ITGAD: variants seen among roughly 807,000 people sequenced by gnomAD.
ITGAD encodes integrin alpha-D.
ITGAD carries 105 observed loss-of-function variants against 139.0 expected under a neutral mutation model. That is an observed-to-expected ratio of 0.76 (90% confidence interval 0.65 to 0.89). ITGAD has a LOEUF of 0.89. Among genes scored for constraint, ITGAD ranks in the 40% least tolerant of loss-of-function variants. The probability of loss-of-function intolerance (pLI) is 0.00; values close to 1 mark genes in which losing one functional copy is unlikely to be tolerated. For synonymous variants in ITGAD, 569 were observed against 598.3 expected (o/e 0.95, Z 0.71); for missense variants, 1,384 against 1,487.3 (o/e 0.93, Z 1.14).
At position 31,423,155 on chromosome 16, in the gene ITGAD, A is replaced by G. The variant is rs1209870020; in HGVS notation, c.2822A>G (p.Asp941Gly). Residue 941 changes from aspartate (D) to glycine (G), a missense_variant, in exon 24 of 30, where the codon GAT becomes GGT. Physicochemically the swap from Asp to Gly is moderately conservative, Grantham distance 94. Coordinates refer to ENST00000389202, the MANE Select transcript of ITGAD (RefSeq NM_005353.3). ...AAGTACTTCAACTTTGCAACCTCCG[A>G]TGAGAAGAAAATGAAAGAGGCTGAG... ...STKYFNFATS[D>G]EKKMKEAEHR... The G allele has an allele frequency of 1.2e-6, 2 of 1,614,050 alleles. No homozygotes were observed. Among genetic ancestry groups the G allele is most frequent in the Admixed American group, 1.7e-5 (1 of 59,996 alleles).
chr16:31,403,596 G>C lies in ITGAD; in HGVS notation c.655G>C (p.Val219Leu), dbSNP rs751119063. 2 of 1,614,146 alleles carry C rather than the reference G, an allele frequency of 1.2e-6. No individual in the cohort carries two copies. Among genetic ancestry groups the C allele is most frequent in the Admixed American group, 3.3e-5 (2 of 60,014 alleles). The change falls in exon 7 of 30, where the codon GTC (valine) becomes CTC (leucine). Residue 219 changes from valine (V) to leucine (L), a missense_variant. Physicochemically the swap from Val to Leu is conservative, Grantham distance 32. Transcript: ENST00000389202. This position sits in a 1 kb window ranked among gnomAD's most constrained non-coding sequence, Gnocchi z 4.4. ...CCAGCAGAGCCTGGTGGATCCCATC[G>C]TCCAACTGAAAGGCCTGACGTTCAC... ...PSQQSLVDPIVQLKGLTFTAT... is the reference protein window; with the variant it reads ...PSQQSLVDPILQLKGLTFTAT...
intron 5 of ITGAD, among the ~76,000 whole-genome samples, chr16:31,400,692 C>T (rs1328426919): frequency 6.6e-6 from 1 of 152,134 alleles, no homozygotes; most frequent in Non-Finnish European, 1.5e-5. Flanking sequence ...GCAGCCTCCA[C>T]CTCCCAGGTT....
At position 31,423,839 on chromosome 16, in the gene ITGAD, C is replaced by T. The variant is rs1393797415; in HGVS notation, c.3046-6C>T. On this transcript the variant is annotated splice_region_variant and splice_polypyrimidine_tract_variant and intron_variant, in intron 26 of 29. Transcript: ENST00000389202. ...CCCCTCAGTTTCACCCCTCTTCTGCCCCCAGGACTGCTCCATTGCTGACTG... is the reference window on the plus strand; with the variant it reads ...CCCCTCAGTTTCACCCCTCTTCTGCTCCCAGGACTGCTCCATTGCTGACTG... 1.2e-6 allele frequency: 2 copies of T among 1,613,984 alleles called. No individual in the cohort carries two copies. Among genetic ancestry groups the T allele is most frequent in the African/African-American group, 2.7e-5 (2 of 74,928 alleles).
At chr16:31,404,801 C>G (rs2142686532) in intron 7 of ITGAD, 1 of 146,956 alleles carries the variant, frequency 6.8e-6, no homozygotes, top group South Asian at 2.4e-4. Flanking sequence ...TCCCTCCCTT[C>G]CTTTCTCCCT....
chr16:31,418,024 A>AGCCC, intron 20 of ITGAD, 51 bp from the exon 21 acceptor site: 1 of 1,416,454 alleles, frequency 7.1e-7, no homozygotes, highest in Non-Finnish European at 1.0e-6. Context: ...CTGTGTATCA[A>AGCCC]GCCCACACAT....
chr16:31,426,058 A>C lies in ITGAD; in HGVS notation c.3416A>C (p.Lys1139Thr). 6.2e-7 allele frequency: 1 copy of C among 1,614,130 alleles called. No individual in the cohort carries two copies. The highest frequency in any genetic ancestry group is 1.3e-5 in the African/African-American group (1 of 75,070). ...CACTACAAGGAAATGCTGGAGGACA[A>C]GCCTGAAGACACTGCCACATTCAGT... ...KRHYKEMLED[K>T]PEDTATFSGD... The change falls in exon 30 of 30, where the codon AAG (lysine) becomes ACG (threonine). Residue 1139 changes from lysine (K) to threonine (T), a missense_variant. By Grantham distance (78) the Lys-to-Thr change is moderately conservative. Coordinates refer to ENST00000389202, the MANE Select transcript of ITGAD (RefSeq NM_005353.3).
chr16:31,415,022 G>A (rs2081849505), intron 18 of ITGAD, 31 bp downstream of exon 18: 1 of 1,611,948 alleles, frequency 6.2e-7, no homozygotes, highest in Admixed American at 1.7e-5. Context: ...CCAGGGATGT[G>A]CTGACTTCAT....
chr16:31,404,163 C>A (rs571649829), intron 7 of ITGAD: 1 of 156,176 alleles, frequency 6.4e-6, no homozygotes, highest in African/African-American at 2.4e-5. Flanking sequence ...GGAATTGTCA[C>A]CCAAGGTCGT....
chr16:31,401,977 G>T (rs2081416574), intron 5 of ITGAD, 138 bp from the exon 6 acceptor site: 1 of 899,342 alleles, frequency 1.1e-6, no homozygotes, highest in Non-Finnish European at 1.7e-6. Flanking sequence ...TGGGGTGGCA[G>T]ACTGGGGCCT....
chr16:31,399,179 C>G (rs2081344625), intron 5 of ITGAD, among the ~76,000 whole-genome samples: 1 of 152,150 alleles, frequency 6.6e-6, no homozygotes, highest in African/African-American at 2.4e-5. Context: ...AGGCTTCATT[C>G]CCTTGAAGCT....
rs368039010 is a variant in ITGAD at position 31,402,414 on chromosome 16, G to A, written c.558+169G>A. On this transcript the variant is annotated intron_variant, in intron 6 of 29. Coordinates refer to ENST00000389202, the MANE Select transcript of ITGAD (RefSeq NM_005353.3). ...CCCAACTTGAGCCCTGACCTAGGAG[G>A]CCCTCTTGGCATTTAATAATGTATC... Among the ~76,000 whole-genome samples, 33 of 152,250 alleles carry A rather than the reference G, an allele frequency of 2.2e-4. 1 individual carries two copies. The South Asian group carries it at 5.0e-3, about 23-fold the overall frequency.
chr16:31,418,043 G>A lies in ITGAD; in HGVS notation c.2500-32G>A, dbSNP rs749563850. The A allele has an allele frequency of 3.2e-6, 5 of 1,571,260 alleles. No individual in the cohort carries two copies. The South Asian group carries it at 5.5e-5, about 17-fold the overall frequency. On this transcript the variant is annotated intron_variant, in intron 20 of 29. Coordinates refer to ENST00000389202, the MANE Select transcript of ITGAD (RefSeq NM_005353.3). ...GTATCAAGCCCACACATGCATGCGG[G>A]TAACTTCTTAAAATTCATTCTCCTC... is the stretch of plus-strand genomic sequence containing the variant.
At chr16:31,421,778 G>A (rs1287942152) in intron 23 of ITGAD, among the ~76,000 whole-genome samples, 1 of 152,078 alleles carries the variant, frequency 6.6e-6, no homozygotes. Flanking sequence ...GGTAGGAAGT[G>A]GTCGACCTGA....
Position 31,413,188 on chromosome 16 carries a change from G to C in ITGAD, c.1938G>C (p.Leu646=), listed in dbSNP as rs765097815. The C allele has an allele frequency of 5.0e-6, 8 of 1,614,090 alleles. No individual in the cohort carries two copies. Among genetic ancestry groups the C allele is most frequent in the Non-Finnish European group, 6.8e-6 (8 of 1,180,000 alleles). Residue 646 remains leucine, a synonymous_variant, in exon 16 of 30, where the codon CTG becomes CTC. Transcript: ENST00000389202. ...YRCWEEKPSA[L]EAGDATVCLT... Reference sequence around the variant, plus strand: ...GCTGGGAAGAGAAGCCCAGTGCCCTGGAAGCTGGGGACGCCACCGTCTGTC... The same window carrying C: ...GCTGGGAAGAGAAGCCCAGTGCCCTCGAAGCTGGGGACGCCACCGTCTGTC...
At chr16:31,399,930 G>A (rs541341161) in intron 5 of ITGAD, among the ~76,000 whole-genome samples, 1 of 152,210 alleles carries the variant, frequency 6.6e-6, no homozygotes, top group Non-Finnish European at 1.5e-5. Context: ...TCCATCGATA[G>A]CAAGAGGCAG....
At chr16:31,411,275 G>A in intron 13 of ITGAD, 33 bp from the exon 14 acceptor site, 1 of 1,608,064 alleles carries the variant, frequency 6.2e-7, no homozygotes, top group Non-Finnish European at 8.5e-7. Context: ...GGCGTCACCT[G>A]GATTGGGGTC....
intron 2 of ITGAD, among the ~76,000 whole-genome samples, chr16:31,395,699 C>T (rs1453343289): frequency 6.6e-6 from 1 of 152,094 alleles, no homozygotes; most frequent in East Asian, 1.9e-4. Context: ...ATTCTCCTGT[C>T]CCAGAGAGTT....
rs756979189 is a variant in ITGAD, at chr16:31,402,148, T to C, written c.461T>C (p.Leu154Pro). 1 of 1,614,014 alleles carries C rather than the reference T, an allele frequency of 6.2e-7. No individual in the cohort carries two copies. Among genetic ancestry groups the C allele is most frequent in the Non-Finnish European group, 8.5e-7 (1 of 1,179,860 alleles). Reference sequence around the variant, plus strand: ...CATCAAGAGATGGACATCGTCTTCCTGATTGACGGCTCTGGAAGCATTGAC... The same window carrying C: ...CATCAAGAGATGGACATCGTCTTCCCGATTGACGGCTCTGGAAGCATTGAC... The part of the protein sequence containing the change: ...CPHQEMDIVF[L>P]IDGSGSIDQN... Residue 154 changes from leucine to proline, a missense_variant, in exon 6 of 30, where the codon CTG (leucine) becomes CCG (proline). Leu to Pro is a moderately conservative substitution (Grantham distance 98, BLOSUM62 -3). Coordinates refer to ENST00000389202, the MANE Select transcript of ITGAD (RefSeq NM_005353.3).
intron 23 of ITGAD, among the ~76,000 whole-genome samples, chr16:31,422,040 C>T (rs1238313635): frequency 6.6e-6 from 1 of 152,130 alleles, no homozygotes; most frequent in East Asian, 1.9e-4. Context: ...AAGCAATCCT[C>T]CTGCCTCAGC....
Sources: allele counts gnomAD v4.1 joint callset (sites outside exome capture counted in the v4.1 genomes callset), GRCh38; gene constraint gnomAD v4.1.1; non-coding constraint Gnocchi (gnomAD v3.1); transcripts MANE v1.5; gene names NCBI Gene and HGNC (gene_info 2026-07-23, HGNC 2026-07-21).